Variants in BMP2K observed in about 807,000 individuals in gnomAD.
BMP2K encodes BMP-2-inducible protein kinase.
Under a neutral mutation model 116.0 loss-of-function variants are expected in BMP2K, and 74 were observed. The ratio of observed to expected loss-of-function variants is 0.64; its 90% CI spans 0.53 to 0.77. The LOEUF (loss-of-function observed/expected upper bound fraction) is 0.77, where lower values mean the gene tolerates loss of function less well. BMP2K is among the 30% of genes least tolerant of loss of function. The pLI, the probability that BMP2K is intolerant of heterozygous loss-of-function variation, is 0.00. For missense variants in BMP2K, 1,365 were observed against 1,403.6 expected (o/e 0.97, Z 0.44); for synonymous variants, 486 against 502.5 (o/e 0.97, Z 0.44).
intron 1 of BMP2K, among the ~76,000 whole-genome samples, chr4:78,825,535 C>G (rs1729827858): frequency 6.6e-6 from 1 of 152,292 alleles, no homozygotes; most frequent in African/African-American, 2.4e-5. Context: ...GTTACATACC[C>G]AATCCTAAAT....
At chr4:78,896,694 G>A (rs1733721963) in intron 15 of BMP2K, among the ~76,000 whole-genome samples, 1 of 152,120 alleles carries the variant, frequency 6.6e-6, no homozygotes, top group South Asian at 2.1e-4. Flanking sequence ...AATTTTATGG[G>A]AATTTCTAGA....
At chr4:78,866,599 T>A (rs1408513856) in intron 10 of BMP2K, among the ~76,000 whole-genome samples, 3 of 152,196 alleles carry the variant, frequency 2.0e-5, no homozygotes, top group African/African-American at 7.2e-5. Context: ...TTAACTACTG[T>A]TGTTACTATC....
rs767987763 is a variant in BMP2K at position 78,826,173 on chromosome 4, T to A, written c.297+18T>A. On this transcript the variant is annotated intron_variant, in intron 2 of 15. Coordinates refer to ENST00000502613, the MANE Select transcript of BMP2K (RefSeq NM_198892.2). ...CAATTATGGTAAGTGAAGGAGTAGT[T>A]CTCTTTCAGAAATTTTGCAAGTTTT... is the stretch of plus-strand genomic sequence containing the variant. The A allele has an allele frequency of 7.0e-6, 11 of 1,567,912 alleles. No individual in the cohort carries two copies. Among genetic ancestry groups the A allele is most frequent in the African/African-American group, 1.4e-5 (1 of 73,524 alleles).
intron 9 of BMP2K, among the ~76,000 whole-genome samples, chr4:78,863,537 A>T (rs1409170002): frequency 6.6e-6 from 1 of 152,136 alleles, no homozygotes; most frequent in Non-Finnish European, 1.5e-5. Context: ...CTGGCCTGGC[A>T]GATGGAAACA....
chr4:78,851,732 T>C (rs1201560722), intron 7 of BMP2K, among the ~76,000 whole-genome samples: 2 of 152,128 alleles, frequency 1.3e-5, no homozygotes, highest in Non-Finnish European at 2.9e-5. Context: ...TTTCATTCTT[T>C]ATGCTAAAAT....
Position 78,914,829 on chromosome 4 carries a change from C to G in BMP2K, c.*2796C>G, listed in dbSNP as rs959431435. ...CTAAACCTGTTATACTTGAACATCACTAAGAGAAGTAAATTATTATGAAGC... is the reference window on the plus strand; with the variant it reads ...CTAAACCTGTTATACTTGAACATCAGTAAGAGAAGTAAATTATTATGAAGC... On this transcript the variant is annotated 3_prime_UTR_variant, in exon 16 of 16. Transcript: ENST00000502613. 6.6e-6 allele frequency: 1 copy of G among 151,280 alleles called. No individual in the cohort carries two copies. Among genetic ancestry groups the G allele is most frequent in the African/African-American group, 2.4e-5 (1 of 41,136 alleles). 9.4% of individuals were successfully genotyped at this position (151,280 alleles called of 1,614,324 possible).
chr4:78,795,706 A>G (rs556826449), intron 1 of BMP2K, among the ~76,000 whole-genome samples: 1 of 152,010 alleles, frequency 6.6e-6, no homozygotes, highest in East Asian at 1.9e-4. Context: ...AAAACAAACA[A>G]CCCCATCAAA....
At chr4:78,821,890 A>G (rs1729634818) in intron 1 of BMP2K, among the ~76,000 whole-genome samples, 1 of 152,208 alleles carries the variant, frequency 6.6e-6, no homozygotes, top group South Asian at 2.1e-4. Context: ...AAATATGTAA[A>G]GCACCAATAC....
chr4:78,910,453 C>CT (rs1448784938), intron 15 of BMP2K, among the ~76,000 whole-genome samples, 157 bp from the exon 16 acceptor site: 1 of 152,172 alleles, frequency 6.6e-6, no homozygotes, highest in Non-Finnish European at 1.5e-5. Context: ...AATGCATTCT[C>CT]TAAGTCTAAT....
chr4:78,896,934 C>G (rs1036347017), intron 15 of BMP2K, among the ~76,000 whole-genome samples: 1 of 152,112 alleles, frequency 6.6e-6, no homozygotes, highest in Admixed American at 6.6e-5. Flanking sequence ...AATGAATACA[C>G]TGATTTATGC....
chr4:78,868,478 T>A (rs905956827), intron 10 of BMP2K, among the ~76,000 whole-genome samples: 4 of 152,156 alleles, frequency 2.6e-5, no homozygotes, highest in African/African-American at 9.7e-5. Context: ...AAATCTCATG[T>A]CCTCACATTT....
chr4:78,835,254 C>T (rs967247311), intron 3 of BMP2K, among the ~76,000 whole-genome samples: 12 of 151,974 alleles, frequency 7.9e-5, no homozygotes, highest in African/African-American at 2.2e-4. Context: ...AATAGTTATC[C>T]GGTATTCAAA....
chr4:78,814,797 TC>T (rs1729253220), intron 1 of BMP2K, among the ~76,000 whole-genome samples: 1 of 152,104 alleles, frequency 6.6e-6, no homozygotes, highest in Non-Finnish European at 1.5e-5. Context: ...ACAGATTTTT[TC>T]CCTTTCATAA....
At chr4:78,821,366 A>G in intron 1 of BMP2K, among the ~76,000 whole-genome samples, 1 of 151,828 alleles carries the variant, frequency 6.6e-6, no homozygotes, top group South Asian at 2.1e-4. Flanking sequence ...TGTTTTTTCC[A>G]GTTTCCCAGA....
chr4:78,879,721 A>G (rs1732808692), intron 14 of BMP2K: 1 of 152,158 alleles, frequency 6.6e-6, no homozygotes, highest in Admixed American at 6.5e-5. Flanking sequence ...AGAAGGTCTT[A>G]ATAATCCCTA....
intron 1 of BMP2K, among the ~76,000 whole-genome samples, chr4:78,785,165 C>T (rs970636012): frequency 6.6e-6 from 1 of 152,030 alleles, no homozygotes; most frequent in Non-Finnish European, 1.5e-5. Flanking sequence ...GGCTGGAGTG[C>T]AGTGCTGCAG....
At chr4:78,907,628 AG>A (rs2110104492) in intron 15 of BMP2K, among the ~76,000 whole-genome samples, 1 of 152,334 alleles carries the variant, frequency 6.6e-6, no homozygotes, top group Admixed American at 6.5e-5. Flanking sequence ...GGGAAATCCT[AG>A]GGTTCATAAA....
rs1732762441 is a variant in BMP2K at position 78,878,822 on chromosome 4, G to A, written c.1882G>A (p.Gly628Arg). The A allele has an allele frequency of 6.2e-7, 1 of 1,613,214 alleles. No homozygotes were observed. The highest frequency in any genetic ancestry group is 1.3e-5 in the African/African-American group (1 of 74,846). Residue 628 changes from glycine (G) to arginine (R), a missense_variant, in exon 14 of 16, where the codon GGA becomes AGA. Gly to Arg is a moderately radical substitution (Grantham distance 125, BLOSUM62 -2). Coordinates refer to ENST00000502613, the MANE Select transcript of BMP2K (RefSeq NM_198892.2). ...TGATATGTCAGGGTGGAATCCTTTT[G>A]GAGAGGATAATTTCTCTAAGTTAAC... ...PPDMSGWNPF[G>R]EDNFSKLTEE... is the part of the protein sequence containing the mutation.
intron 12 of BMP2K, 141 bp from the exon 13 acceptor site, chr4:78,872,473 G>C: frequency 1.4e-6 from 1 of 705,394 alleles, no homozygotes; most frequent in Non-Finnish European, 2.2e-6. Context: ...TCTAGTAATA[G>C]AGCTGCTTCT....
Sources: gnomAD v4.1 joint callset for allele counts (sites outside exome capture counted in the v4.1 genomes callset) on GRCh38, gnomAD v4.1.1 for gene constraint, MANE v1.5 for transcripts, NCBI Gene and HGNC (gene_info 2026-07-23, HGNC 2026-07-21) for gene names.